RHBDL3: variants seen among roughly 807,000 people sequenced by gnomAD.
RHBDL3 encodes rhomboid like 3, also known as rhomboid-related protein 3.
RHBDL3 carries 28 observed loss-of-function variants against 48.2 expected under a neutral mutation model. That is an observed-to-expected ratio of 0.58 (90% confidence interval 0.43 to 0.80). RHBDL3 has a LOEUF of 0.80. Among genes scored for constraint, RHBDL3 ranks in the 30% least tolerant of loss-of-function variants. The pLI is 0.00. For missense variants in RHBDL3, 464 were observed against 542.7 expected (o/e 0.85, Z 1.44); for synonymous variants, 208 against 232.3 (o/e 0.90, Z 0.95).
chr17:32,316,964 C>T (rs959986090), intron 8 of RHBDL3, among the ~76,000 whole-genome samples: 8 of 150,572 alleles, frequency 5.3e-5, no homozygotes, highest in Admixed American at 1.3e-4. Context: ...CTCCACCTCC[C>T]GGGTTCAAGT....
intron 2 of RHBDL3, among the ~76,000 whole-genome samples, chr17:32,281,867 C>T (rs955290485): frequency 5.3e-5 from 8 of 152,332 alleles, no homozygotes; most frequent in Non-Finnish European, 7.3e-5. Context: ...TCCTGGGCAT[C>T]AGAGCAGTCC....
chr17:32,300,712 G>T (rs1413163199), intron 6 of RHBDL3, among the ~76,000 whole-genome samples: 3 of 152,132 alleles, frequency 2.0e-5, no homozygotes. Context: ...TATGATGAGG[G>T]GTTTGCGGAT....
At chr17:32,291,060 T>G (rs1396187912) in intron 4 of RHBDL3, among the ~76,000 whole-genome samples, 3 of 146,798 alleles carry the variant, frequency 2.0e-5, no homozygotes. Context: ...TGGCCGGACG[T>G]GGTGGCTCAC....
chr17:32,319,371 G>A (rs965529390), intron 8 of RHBDL3, among the ~76,000 whole-genome samples: 2 of 139,266 alleles, frequency 1.4e-5, no homozygotes, highest in East Asian at 4.1e-4. Flanking sequence ...GCAGTGAGCC[G>A]AGATCGCGCC....
chr17:32,283,634 T>C (rs532855475), intron 2 of RHBDL3, among the ~76,000 whole-genome samples: 47 of 152,284 alleles, frequency 3.1e-4, no homozygotes, highest in African/African-American at 8.9e-4. Context: ...GATCCTGCCT[T>C]TTCTAACTGA....
At position 32,294,395 on chromosome 17, in the gene RHBDL3, G is replaced by T. The variant is rs1226673493; in HGVS notation, c.621G>T (p.Leu207=). ...LKNSLVYHPQ[L]RAQVWRYLTY... is the part of the protein sequence containing the mutation. Reference sequence around the variant, plus strand: ...ACTCCCTGGTTTACCACCCACAGCTGCGAGCACAGGTTTGGCGCTACCTGA... The same window carrying T: ...ACTCCCTGGTTTACCACCCACAGCTTCGAGCACAGGTTTGGCGCTACCTGA... The change falls in exon 5 of 9, where the codon CTG becomes CTT. Residue 207 remains leucine, a synonymous_variant. Coordinates refer to ENST00000269051, the MANE Select transcript of RHBDL3 (RefSeq NM_138328.3). The T allele has an allele frequency of 5.6e-6, 9 of 1,614,076 alleles. No homozygotes were observed. The highest frequency in any genetic ancestry group is 7.6e-6 in the Non-Finnish European group (9 of 1,180,032).
intron 2 of RHBDL3, among the ~76,000 whole-genome samples, chr17:32,282,924 C>G (rs373547182): frequency 6.6e-6 from 1 of 152,064 alleles, no homozygotes; most frequent in African/African-American, 2.4e-5. Context: ...GCCCGGCCTT[C>G]TGTGGAGAAT....
At position 32,323,535 on chromosome 17, in the gene RHBDL3, T is replaced by TG. The variant is rs1567797452; in HGVS notation, c.*2307dup. 1.3e-5 allele frequency: 2 copies of TG among 152,384 alleles called. No homozygotes were observed. The highest frequency in any genetic ancestry group is 3.9e-4 in the East Asian group (2 of 5,164). 9.4% of individuals were successfully genotyped at this position (152,384 alleles called of 1,614,324 possible). On this transcript the variant is annotated 3_prime_UTR_variant, in exon 9 of 9. Transcript: ENST00000269051. Reference sequence around the variant, plus strand: ...TGTGGTGTGGGTGGAATGAGCAGAGTGCCACCTCTGTCTGGTATGACCTGG... The same window carrying TG: ...TGTGGTGTGGGTGGAATGAGCAGAGTGGCCACCTCTGTCTGGTATGACCTGG...
At position 32,323,226 on chromosome 17, in the gene RHBDL3, C is replaced by T; in HGVS notation, c.*1997C>T. The stretch of plus-strand genomic sequence containing the variant: ...GGGCCGCAGCCTGTGGCACTGTGGG[C>T]CCACGCCTTTGGCGGTGTTGCGTCA... On this transcript the variant is annotated 3_prime_UTR_variant, in exon 9 of 9. Transcript: ENST00000269051. The T allele has an allele frequency of 6.6e-6, 1 of 152,596 alleles. No individual in the cohort carries two copies. 9.5% of individuals were successfully genotyped at this position (152,596 alleles called of 1,614,324 possible).
rs1274959758 is a variant in RHBDL3 at position 32,298,137 on chromosome 17, G to A, written c.714G>A (p.Gly238=). Residue 238 remains glycine (G), a synonymous_variant, in exon 6 of 9, where the codon GGG becomes GGA. Coordinates refer to ENST00000269051, the MANE Select transcript of RHBDL3 (RefSeq NM_138328.3). ...ATGTGGTGCTGCAGCTGCTGGTGGG[G>A]GTGCCCCTGGAGATGGTGCATGGAG... ...GLNVVLQLLV[G]VPLEMVHGAT... 6.2e-7 allele frequency: 1 copy of A among 1,614,054 alleles called. No homozygotes were observed. Among genetic ancestry groups the A allele is most frequent in the African/African-American group, 1.3e-5 (1 of 75,048 alleles).
At chr17:32,283,718 A>G (rs1471001776) in intron 2 of RHBDL3, among the ~76,000 whole-genome samples, 1 of 152,098 alleles carries the variant, frequency 6.6e-6, no homozygotes, top group East Asian at 1.9e-4. Flanking sequence ...CATCCAACAA[A>G]TCTTGATTGA....
chr17:32,296,845 G>A (rs964879365), intron 5 of RHBDL3, among the ~76,000 whole-genome samples: 14 of 145,658 alleles, frequency 9.6e-5, no homozygotes, highest in East Asian at 2.0e-4. Flanking sequence ...AAGGAATCTC[G>A]CTCTTTTGCC....
chr17:32,306,363 G>A (rs1310978021), intron 7 of RHBDL3, among the ~76,000 whole-genome samples: 1 of 152,130 alleles, frequency 6.6e-6, no homozygotes, highest in Non-Finnish European at 1.5e-5. Context: ...GGCGGAGGTT[G>A]CAGTGAGCCG....
intron 2 of RHBDL3, among the ~76,000 whole-genome samples, chr17:32,273,686 C>T (rs1471992710): frequency 6.6e-6 from 1 of 152,100 alleles, no homozygotes; most frequent in Non-Finnish European, 1.5e-5. Flanking sequence ...TGTGTTACAG[C>T]AATTTAAACA....
At position 32,320,972 on chromosome 17, in the gene RHBDL3, GGGCGGGCCGTGT is replaced by G; in HGVS notation, c.962_973del (p.Arg321_Trp324del). The G allele has an allele frequency of 6.2e-7, 1 of 1,612,188 alleles. No individual in the cohort carries two copies. The highest frequency in any genetic ancestry group is 8.5e-7 in the Non-Finnish European group (1 of 1,179,466). ...TCCCCTTGCAGTGAGCATGGAGTTT[GGGCGGGCCGTGT>G]GGCTCCGCTTCCACCCGTCGGCCTA... On this transcript the variant is annotated inframe_deletion, in exon 9 of 9. Coordinates refer to ENST00000269051, the MANE Select transcript of RHBDL3 (RefSeq NM_138328.3).
Position 32,305,229 on chromosome 17 carries a change from AGCGTCTT to A in RHBDL3, c.782-109_782-103del, listed in dbSNP as rs555912079. 5.3e-4 allele frequency: 389 copies of A among 728,322 alleles called. 2 individuals carry two copies. The African/African-American group carries it at 5.7e-3, about 11-fold the overall frequency. The allele number at this position is 728,322 out of a possible 1,614,324, so 45.1% of individuals were successfully genotyped here. A position where few individuals can be genotyped will look rare whatever the true frequency, so the allele number is the denominator to read the frequency against. ...ATGGACTCAAAGGAGGAAGAGGTGGAGCGTCTTGCTCTGGAGTCTTAGCACGGAGCCT... is the reference window on the plus strand; with the variant it reads ...ATGGACTCAAAGGAGGAAGAGGTGGAGCTCTGGAGTCTTAGCACGGAGCCT... On this transcript the variant is annotated intron_variant, in intron 6 of 8. Coordinates refer to ENST00000269051, the MANE Select transcript of RHBDL3 (RefSeq NM_138328.3).
chr17:32,300,311 G>A (rs1303960708), intron 6 of RHBDL3, among the ~76,000 whole-genome samples: 1 of 152,206 alleles, frequency 6.6e-6, no homozygotes, highest in Non-Finnish European at 1.5e-5. Flanking sequence ...ACTTTGGGAG[G>A]TCAAGGCAGG....
intron 7 of RHBDL3, among the ~76,000 whole-genome samples, chr17:32,307,456 C>T (rs2040738054): frequency 6.6e-6 from 1 of 152,160 alleles, no homozygotes; most frequent in Non-Finnish European, 1.5e-5. Flanking sequence ...CCACCCTGCT[C>T]CCAACCCTGT....
intron 2 of RHBDL3, among the ~76,000 whole-genome samples, chr17:32,278,699 G>C (rs558856260): frequency 8.0e-4 from 122 of 152,258 alleles, no homozygotes; most frequent in Non-Finnish European, 1.4e-3. Flanking sequence ...AGCTCTTGGT[G>C]CCTTGGTTTC....
Sources: allele counts gnomAD v4.1 joint callset (sites outside exome capture counted in the v4.1 genomes callset), GRCh38; gene constraint gnomAD v4.1.1; transcripts MANE v1.5; gene names NCBI Gene and HGNC (gene_info 2026-07-23, HGNC 2026-07-21).